The following FSHR variants were observed in gnomAD, a reference collection of about 807,000 sequenced individuals.
The protein encoded by FSHR is follicle stimulating hormone receptor.
Under a neutral mutation model 52.1 loss-of-function variants are expected in FSHR, and 46 were observed. That is an observed-to-expected ratio of 0.88 (90% CI 0.70 to 1.13). The LOEUF (loss-of-function observed/expected upper bound fraction) is 1.13. Among genes scored for constraint, FSHR ranks in the 50% most tolerant of loss-of-function variants. FSHR has a pLI of 0.00. For missense variants in FSHR, 964 were observed against 834.6 expected, an observed-to-expected ratio of 1.16 and a Z score of -1.91; for synonymous variants, 399 against 309.6, an observed-to-expected ratio of 1.29 and a Z score of -3.03.
intron 1 of FSHR, among the ~76,000 whole-genome samples, chr2:49,091,680 C>G (rs77870676): frequency 0.012 from 1,792 of 152,286 alleles, 40 homozygotes; most frequent in African/African-American, 0.041. Context: ...CGTTAGATTT[C>G]TGTCAAAAAT....
chr2:49,151,704 A>C (rs907117478), intron 1 of FSHR, among the ~76,000 whole-genome samples: 1 of 152,126 alleles, frequency 6.6e-6, no homozygotes, highest in African/African-American at 2.4e-5. Context: ...CCTACACCTC[A>C]TGTAATCATT....
intron 1 of FSHR, among the ~76,000 whole-genome samples, chr2:49,149,044 G>A (rs149025537): frequency 2.0e-5 from 3 of 151,986 alleles, no homozygotes; most frequent in African/African-American, 7.2e-5. Context: ...CAGGGCCGAA[G>A]CAAAGATAAT....
At chr2:48,985,370 G>C (rs3788985) in intron 6 of FSHR, among the ~76,000 whole-genome samples, 1 of 152,128 alleles carries the variant, frequency 6.6e-6, no homozygotes, top group Admixed American at 6.5e-5. Context: ...GAGGAAACAC[G>C]CACGAAGCAG....
intron 1 of FSHR, among the ~76,000 whole-genome samples, chr2:49,108,552 G>A (rs1671316992): frequency 2.0e-5 from 3 of 152,190 alleles, no homozygotes; most frequent in African/African-American, 7.2e-5. Flanking sequence ...CTAGGCAGAA[G>A]GCTGAGGGCC....
In FSHR at chr2:49,091,086, G is replaced by T. The variant is rs1238898846; in HGVS notation, c.153-22796C>A. Among the ~76,000 whole-genome samples, 8 of 150,858 alleles carry T rather than the reference G, an allele frequency of 5.3e-5. No individual in the cohort carries two copies. The East Asian group carries it at 1.6e-3, about 29-fold the overall frequency. On this transcript the variant is annotated intron_variant, in intron 1 of 9. Coordinates refer to ENST00000406846, the MANE Select transcript of FSHR (RefSeq NM_000145.4). ...TTTGTCCTTCATTCTCTTGATAGTA[G>T]CTTACATAGAACAAAAGTTTTACAT...
chr2:48,999,792 T>C (rs1676176176), intron 4 of FSHR, among the ~76,000 whole-genome samples: 1 of 152,052 alleles, frequency 6.6e-6, no homozygotes, highest in South Asian at 2.1e-4. Context: ...TCATTATAAG[T>C]TTCCAAGAGA....
At position 49,020,016 on chromosome 2, in the gene FSHR, G is replaced by C. The variant is rs1156761247; in HGVS notation, c.299+70C>G. 3 of 1,318,182 alleles carry C rather than the reference G, an allele frequency of 2.3e-6. No homozygotes were observed. In the Admixed American group the frequency reaches 5.0e-5, roughly 22 times the overall value. 81.7% of individuals were successfully genotyped at this position (1,318,182 alleles called of 1,614,324 possible). On this transcript the variant is annotated intron_variant, in intron 3 of 9. Transcript: ENST00000406846. ...GCCATGGCAGAATCAGGGCCTCCCA[G>C]GAATGTAGAAGAACTTTAAGGGTTT... is the stretch of plus-strand genomic sequence containing the variant.
chr2:49,099,594 G>A (rs1304394182), intron 1 of FSHR, among the ~76,000 whole-genome samples: 1 of 151,924 alleles, frequency 6.6e-6, no homozygotes, highest in Admixed American at 6.6e-5. Flanking sequence ...GATTAGGGTG[G>A]GCCCTAATCC....
At position 49,017,576 on chromosome 2, in the gene FSHR, A is replaced by C. The variant is rs1187971675; in HGVS notation, c.300-13T>G. ...CTTTTCAATTCTACTGTAAAAGAAGAAAAAACATGCTAGTGATCTTGATGG... is the reference window on the plus strand; with the variant it reads ...CTTTTCAATTCTACTGTAAAAGAAGCAAAAACATGCTAGTGATCTTGATGG... On this transcript the variant is annotated splice_polypyrimidine_tract_variant and intron_variant, in intron 3 of 9. Coordinates refer to ENST00000406846, the MANE Select transcript of FSHR (RefSeq NM_000145.4). 1.3e-6 allele frequency: 2 copies of C among 1,593,748 alleles called. No homozygotes were observed. The highest frequency in any genetic ancestry group is 1.7e-6 in the Non-Finnish European group (2 of 1,161,934).
chr2:49,025,751 C>T (rs957875052), intron 2 of FSHR, among the ~76,000 whole-genome samples: 2 of 152,136 alleles, frequency 1.3e-5, no homozygotes, highest in Non-Finnish European at 2.9e-5. Context: ...CTTAACCTCA[C>T]CTATAGAATC....
At chr2:49,043,442 A>T (rs960991109) in intron 2 of FSHR, among the ~76,000 whole-genome samples, 3 of 152,230 alleles carry the variant, frequency 2.0e-5, no homozygotes, top group African/African-American at 7.2e-5. Flanking sequence ...ATAAATGGGC[A>T]CATATAAATC....
chr2:49,075,608 G>C (rs561104926), intron 1 of FSHR, among the ~76,000 whole-genome samples: 8 of 152,112 alleles, frequency 5.3e-5, no homozygotes, highest in East Asian at 1.9e-4. Flanking sequence ...TTAAATTAGA[G>C]AACTCTACAA....
At chr2:49,073,643 G>A (rs1265728296) in intron 1 of FSHR, among the ~76,000 whole-genome samples, 1 of 152,004 alleles carries the variant, frequency 6.6e-6, no homozygotes, top group African/African-American at 2.4e-5. Context: ...CAGATTCAAT[G>A]CAATCCCTAT....
intron 2 of FSHR, among the ~76,000 whole-genome samples, chr2:49,065,510 A>G (rs1194613676): frequency 1.3e-5 from 2 of 152,126 alleles, no homozygotes; most frequent in Admixed American, 6.6e-5. Context: ...GAACCTGGGC[A>G]GATGGTGACA....
Position 49,020,067 on chromosome 2 carries a change from C to G in FSHR, c.299+19G>C. On this transcript the variant is annotated intron_variant, in intron 3 of 9. Transcript: ENST00000406846. ...TTTCAAGAATGGCCATGAGCAAATC[C>G]CCCAATCTTCTTGCTTACATTTCAT... The G allele has an allele frequency of 6.2e-7, 1 of 1,608,144 alleles. No homozygotes were observed. The highest frequency in any genetic ancestry group is 8.5e-7 in the Non-Finnish European group (1 of 1,174,652).
chr2:48,989,436 C>T (rs1184987619), intron 5 of FSHR, among the ~76,000 whole-genome samples: 2 of 152,036 alleles, frequency 1.3e-5, no homozygotes, highest in African/African-American at 4.8e-5. Context: ...GTGTGCACCA[C>T]CATACCCAGC....
At chr2:49,092,581 A>C (rs1219878665) in intron 1 of FSHR, among the ~76,000 whole-genome samples, 2 of 152,148 alleles carry the variant, frequency 1.3e-5, no homozygotes, top group Non-Finnish European at 2.9e-5. Flanking sequence ...ATCTTCTTTA[A>C]TTGATTTAAT....
chr2:48,965,275 T>A (rs1211992797), intron 9 of FSHR, among the ~76,000 whole-genome samples: 2 of 152,074 alleles, frequency 1.3e-5, no homozygotes, highest in Non-Finnish European at 2.9e-5. Context: ...ATGAGAAGGG[T>A]CTGTTAGGAA....
In FSHR at chr2:49,148,599, G is replaced by A. The variant is rs188403132; in HGVS notation, c.152+5667C>T. The stretch of plus-strand genomic sequence containing the variant: ...ATAAGACACACATGAAAAATTAAAC[G>A]CAAGGCAAGATTAAGTGTGAAATGA... On this transcript the variant is annotated intron_variant, in intron 1 of 9. Coordinates refer to ENST00000406846, the MANE Select transcript of FSHR (RefSeq NM_000145.4). Among the ~76,000 whole-genome samples, 44 of 152,092 alleles carry A rather than the reference G, an allele frequency of 2.9e-4. No homozygotes were observed. The South Asian group carries it at 6.8e-3, about 24-fold the overall frequency.
Sources: gnomAD v4.1 joint callset for allele counts (sites outside exome capture counted in the v4.1 genomes callset) on GRCh38, gnomAD v4.1.1 for gene constraint, MANE v1.5 for transcripts, NCBI Gene and HGNC (gene_info 2026-07-23, HGNC 2026-07-21) for gene names.